The following DNAH2 variants were observed in gnomAD, a reference collection of about 807,000 sequenced individuals.
The protein encoded by DNAH2 is axonemal beta dynein heavy chain 2.
Under a neutral mutation model 523.5 loss-of-function variants are expected in DNAH2, and 323 were observed. The observed-to-expected ratio is 0.62, with a 90% CI of 0.56 to 0.68. The LOEUF (loss-of-function observed/expected upper bound fraction) is 0.68. Ranked by LOEUF, DNAH2 falls within the 30% of genes least tolerant of loss-of-function variation. DNAH2 has a pLI of 0.00. For synonymous variants in DNAH2, 2,093 were observed against 2,177.4 expected (o/e 0.96, Z 1.08); for missense variants, 4,907 against 5,701.5 (o/e 0.86, Z 4.49).
chr17:7,824,052 T>G, intron 75 of DNAH2, 69 bp from the exon 76 acceptor site: 2 of 1,579,744 alleles, frequency 1.3e-6, no homozygotes, highest in Non-Finnish European at 8.6e-7. Flanking sequence ...TGTTTCAGTC[T>G]CCTTCATCTC....
intron 12 of DNAH2, among the ~76,000 whole-genome samples, chr17:7,746,521 T>A (rs1303420937): frequency 1.3e-5 from 2 of 152,128 alleles, no homozygotes; most frequent in Non-Finnish European, 2.9e-5. Flanking sequence ...AAGAAAAAAA[T>A]ACTCCTAAGA....
chr17:7,770,913 C>A lies in DNAH2; in HGVS notation c.4342C>A (p.Arg1448Ser). 6.2e-7 allele frequency: 1 copy of A among 1,613,856 alleles called. No homozygotes were observed. The highest frequency in any genetic ancestry group is 8.5e-7 in the Non-Finnish European group (1 of 1,180,002). ...EVIEMILTVQ[R>S]QWMYLENIFL... The stretch of plus-strand genomic sequence containing the variant: ...TATTGAGATGATTCTCACAGTGCAG[C>A]GTCAGTGGATGTACTTAGAGGTCAG... The change falls in exon 27 of 86, where the codon CGT becomes AGT. Residue 1448 changes from arginine to serine, a missense_variant. Arg to Ser is a moderately radical substitution (Grantham distance 110, BLOSUM62 -1). Around this residue, in one of 3 missense-constraint regions of DNAH2, gnomAD observed 2,806 missense variants for 3,190.8 expected, o/e 0.88. Transcript: ENST00000572933.
At chr17:7,719,960 C>T (rs1383064152) in intron 2 of DNAH2, 60 bp downstream of exon 2, 4 of 1,438,234 alleles carry the variant, frequency 2.8e-6, no homozygotes, top group Non-Finnish European at 3.6e-6. Context: ...GTCAGAGGGG[C>T]TTGGAGGCAT....
chr17:7,792,563 C>A, intron 46 of DNAH2, 94 bp from the exon 47 acceptor site: 3 of 1,151,222 alleles, frequency 2.6e-6, no homozygotes, highest in Non-Finnish European at 2.5e-6. Flanking sequence ...GGGCAGGGTG[C>A]TGATGAGACA....
Position 7,749,906 on chromosome 17 carries a change from A to G in DNAH2, c.1904+6764A>G, listed in dbSNP as rs554894048. Among the ~76,000 whole-genome samples the G allele has an allele frequency of 3.3e-5, 5 of 152,212 alleles. No homozygotes were observed. In the South Asian group the frequency reaches 1.0e-3, roughly 32 times the overall value. On this transcript the variant is annotated intron_variant, in intron 12 of 85. Coordinates refer to ENST00000572933, the MANE Select transcript of DNAH2 (RefSeq NM_020877.5). ...GCTACTCAGGAGGCTGAGGCAGGAGAATCTCGCTTGAACCCGGGAGGCAGA... is the reference window on the plus strand; with the variant it reads ...GCTACTCAGGAGGCTGAGGCAGGAGGATCTCGCTTGAACCCGGGAGGCAGA...
intron 8 of DNAH2, among the ~76,000 whole-genome samples, chr17:7,738,703 C>A (rs1451457881): frequency 6.6e-6 from 1 of 152,084 alleles, no homozygotes; most frequent in African/African-American, 2.4e-5. Flanking sequence ...ATCTTGACCC[C>A]ATCGTCTAAA....
chr17:7,797,602 G>A, intron 52 of DNAH2, 72 bp downstream of exon 52: 2 of 1,613,810 alleles, frequency 1.2e-6, no homozygotes, highest in Middle Eastern at 1.7e-4. Context: ...GTCAGGGCAT[G>A]GGGTCTGAAG....
chr17:7,823,930 T>C lies in DNAH2; in HGVS notation c.11426T>C (p.Ile3809Thr). Residue 3809 changes from isoleucine to threonine, a missense_variant, in exon 75 of 86, where the codon ATC becomes ACC. Ile to Thr is a moderately conservative substitution (Grantham distance 89). Coordinates refer to ENST00000572933, the MANE Select transcript of DNAH2 (RefSeq NM_020877.5). ...GCCTTCTGCGTGACCTCCTTCATCA[T>C]CACCAACCTTGGCTCCCGCTTCATC... ...RVAFCVTSFI[I>T]TNLGSRFIEP... The C allele has an allele frequency of 6.2e-7, 1 of 1,613,958 alleles. No homozygotes were observed. Among genetic ancestry groups the C allele is most frequent in the Non-Finnish European group, 8.5e-7 (1 of 1,180,018 alleles).
At position 7,818,654 on chromosome 17, in the gene DNAH2, C is replaced by A. The variant is rs752664632; in HGVS notation, c.10548C>A (p.Ala3516=). 6.2e-7 allele frequency: 1 copy of A among 1,613,952 alleles called. No homozygotes were observed. The highest frequency in any genetic ancestry group is 8.5e-7 in the Non-Finnish European group (1 of 1,179,988). The change falls in exon 70 of 86, where the codon GCC becomes GCA. Residue 3516 remains alanine (A), a synonymous_variant. Coordinates refer to ENST00000572933, the MANE Select transcript of DNAH2 (RefSeq NM_020877.5). ...NFAVKEQGLE[A]QLLGIVVRKE... ...CCTGATGCCCCCAGGGCCTGGAGGC[C>A]CAGCTGCTGGGCATTGTGGTGCGGA... is the stretch of plus-strand genomic sequence containing the variant.
Position 7,801,917 on chromosome 17 carries a change from T to G in DNAH2, c.8872T>G (p.Trp2958Gly), listed in dbSNP as rs911420798. ...KVAQIFVTMH[W>G]SVAQYSQKML... ...GGCCCAGATCTTTGTCACTATGCAC[T>G]GGTCAGTAGCTCAGTATTCCCAGAA... Residue 2958 changes from tryptophan (W) to glycine (G), a missense_variant, in exon 58 of 86, where the codon TGG (tryptophan) becomes GGG (glycine). Trp to Gly is a radical substitution (Grantham distance 184, BLOSUM62 -2). Around this residue, in one of 3 missense-constraint regions of DNAH2, gnomAD observed 1,851 missense variants for 2,139.4 expected, o/e 0.87. Coordinates refer to ENST00000572933, the MANE Select transcript of DNAH2 (RefSeq NM_020877.5). The G allele has an allele frequency of 1.2e-6, 2 of 1,614,256 alleles. No homozygotes were observed. Among genetic ancestry groups the G allele is most frequent in the East Asian group, 4.5e-5 (2 of 44,888 alleles).
chr17:7,777,746 C>G, intron 33 of DNAH2, 112 bp downstream of exon 33: 1 of 1,324,286 alleles, frequency 7.6e-7, no homozygotes, highest in East Asian at 2.3e-5. Context: ...TTAGTCCTGT[C>G]CCACTACCCT....
chr17:7,786,176 C>T lies in DNAH2; in HGVS notation c.6182C>T (p.Pro2061Leu), dbSNP rs144591469. 1.9e-6 allele frequency: 3 copies of T among 1,613,988 alleles called. No homozygotes were observed. The highest frequency in any genetic ancestry group is 2.2e-5 in the East Asian group (1 of 44,864). Residue 2061 changes from proline (P) to leucine (L), a missense_variant, in exon 40 of 86, where the codon CCG becomes CTG. This residue lies in a region of DNAH2 where 2,806 missense variants were observed against 3,190.8 expected (regional missense o/e 0.88). Coordinates refer to ENST00000572933, the MANE Select transcript of DNAH2 (RefSeq NM_020877.5). This position sits in a 1 kb window ranked among gnomAD's most constrained non-coding sequence, Gnocchi z 7.5. ...EIRDMGLQST[P>L]FTLTKVFQLY... ...CGAGACATGGGCCTGCAAAGCACGC[C>T]GTTCACCCTCACCAAGGTTTTCCAG...
chr17:7,747,806 C>T (rs2151170506), intron 12 of DNAH2, among the ~76,000 whole-genome samples: 1 of 152,228 alleles, frequency 6.6e-6, no homozygotes, highest in South Asian at 2.1e-4. Flanking sequence ...TAAGATAAAA[C>T]TGCCTCAATC....
intron 4 of DNAH2, among the ~76,000 whole-genome samples, chr17:7,732,172 C>T (rs962107313): frequency 2.0e-5 from 3 of 151,490 alleles, no homozygotes; most frequent in African/African-American, 7.3e-5. Flanking sequence ...TGGTGGCTCG[C>T]GCTTGTAATC....
rs373453666 is a variant in DNAH2, at chr17:7,793,215, G to A, written c.7569+10G>A. 8 of 1,610,564 alleles carry A rather than the reference G, an allele frequency of 5.0e-6. No individual in the cohort carries two copies. The highest frequency in any genetic ancestry group is 2.2e-5 in the East Asian group (1 of 44,788). On this transcript the variant is annotated intron_variant, in intron 48 of 85. Coordinates refer to ENST00000572933, the MANE Select transcript of DNAH2 (RefSeq NM_020877.5). ...CATCAAGTACATTCGAGTAAGCCTC[G>A]CTAGAGTCTGTTCTTCAGGCCTCTG... is the stretch of plus-strand genomic sequence containing the variant.
Position 7,767,954 on chromosome 17 carries a change from T to C in DNAH2, c.3730T>C (p.Trp1244Arg). 6.2e-7 allele frequency: 1 copy of C among 1,614,002 alleles called. No individual in the cohort carries two copies. Among genetic ancestry groups the C allele is most frequent in the Non-Finnish European group, 8.5e-7 (1 of 1,180,002 alleles). ...WEIARDWEEN[W>R]NEWKTGRFLI... ...GATCGCACGAGACTGGGAGGAGAACTGGAATGAGTGGAAGACTGGCCGGTT... is the reference window on the plus strand; with the variant it reads ...GATCGCACGAGACTGGGAGGAGAACCGGAATGAGTGGAAGACTGGCCGGTT... Residue 1244 changes from tryptophan to arginine, a missense_variant, in exon 23 of 86, where the codon TGG (tryptophan) becomes CGG (arginine). Trp to Arg is a moderately radical substitution (Grantham distance 101). Around this residue, in one of 3 missense-constraint regions of DNAH2, gnomAD observed 2,806 missense variants for 3,190.8 expected, o/e 0.88. Coordinates refer to ENST00000572933, the MANE Select transcript of DNAH2 (RefSeq NM_020877.5).
intron 3 of DNAH2, 58 bp downstream of exon 3, chr17:7,723,747 G>A: frequency 6.9e-7 from 1 of 1,458,856 alleles, no homozygotes; most frequent in Non-Finnish European, 9.6e-7. Context: ...TGAATCAAAG[G>A]ATCAGTTGTG....
At chr17:7,824,435 T>C in intron 76 of DNAH2, 102 bp from the exon 77 acceptor site, 2 of 1,409,128 alleles carry the variant, frequency 1.4e-6, no homozygotes, top group Non-Finnish European at 1.9e-6. Flanking sequence ...CAGATCTTAG[T>C]GTTAGGCCCC....
Position 7,719,915 on chromosome 17 carries a change from G to C in DNAH2, c.166+15G>C. ...GGAGGAGCCTGGTGGGTACTTGCTG[G>C]GGCAGAGGATGCTTAGCAATGGAGG... On this transcript the variant is annotated intron_variant, in intron 2 of 85. Transcript: ENST00000572933. 2 of 1,501,820 alleles carry C rather than the reference G, an allele frequency of 1.3e-6. No individual in the cohort carries two copies. The highest frequency in any genetic ancestry group is 1.8e-6 in the Non-Finnish European group (2 of 1,126,250). The allele number at this position is 1,501,820 out of a possible 1,614,324, so 93.0% of individuals were successfully genotyped here.
Sources: gnomAD v4.1 joint callset for allele counts (sites outside exome capture counted in the v4.1 genomes callset) on GRCh38, gnomAD v4.1.1 for gene constraint, gnomAD v4.1.1 regional missense constraint, Gnocchi (gnomAD v3.1) non-coding constraint, MANE v1.5 for transcripts, NCBI Gene and HGNC (gene_info 2026-07-23, HGNC 2026-07-21) for gene names.